The following IRX4 variants were observed in gnomAD, a reference collection of about 807,000 sequenced individuals.
IRX4 encodes iroquois homeobox 4.
In IRX4, 22 loss-of-function variants were observed where a neutral mutation model predicts 32.0. The observed-to-expected ratio is 0.69, with a 90% CI of 0.49 to 0.98. The LOEUF (loss-of-function observed/expected upper bound fraction) is 0.98. Ranked by LOEUF, IRX4 falls within the 50% of genes least tolerant of loss-of-function variation. The pLI is 0.00. For synonymous variants in IRX4, 379 were observed against 351.7 expected (o/e 1.08, Z -0.87); for missense variants, 840 against 744.2 (o/e 1.13, Z -1.50).
At position 1,879,817 on chromosome 5, in the gene IRX4, G is replaced by A. The variant is rs534141737; in HGVS notation, c.423C>T (p.Asp141=). Residue 141 remains aspartate, a synonymous_variant, in exon 4 of 5, where the codon GAC becomes GAT. Transcript: ENST00000231357. The part of the protein sequence containing the change: ...QYPYDRYGTM[D]SGTRRKNATR... ...TGGCGTTCTTGCGCCGCGTGCCGCT[G>A]TCCATGGTTCCATACCTGGAGACAG... is the stretch of plus-strand genomic sequence containing the variant. The A allele has an allele frequency of 2.5e-6, 4 of 1,614,020 alleles. No individual in the cohort carries two copies. Among genetic ancestry groups the A allele is most frequent in the Admixed American group, 3.3e-5 (2 of 60,022 alleles).
upstream of IRX4, chr5:1,884,332 T>C (rs1735560731): frequency 6.6e-6 from 1 of 152,302 alleles, no homozygotes; most frequent in African/African-American, 2.4e-5. Flanking sequence ...AATGATGACG[T>C]CCTCGCCCTC....
upstream of IRX4, among the ~76,000 whole-genome samples, chr5:1,883,517 G>C (rs898557860): frequency 7.2e-5 from 11 of 152,216 alleles, no homozygotes; most frequent in African/African-American, 2.7e-4. Context: ...CCGCAAGACA[G>C]CCCGCAAGAG....
intron 2 of IRX4, among the ~76,000 whole-genome samples, 156 bp downstream of exon 2, chr5:1,881,652 G>A (rs1022644889): frequency 2.6e-5 from 4 of 152,018 alleles, no homozygotes; most frequent in African/African-American, 9.7e-5. Context: ...GGTTCTGAGG[G>A]TCTCGGCTGG....
chr5:1,880,926 G>C (rs1392943210), intron 2 of IRX4, 92 bp from the exon 3 acceptor site: 1 of 996,342 alleles, frequency 1.0e-6, no homozygotes, highest in Non-Finnish European at 1.6e-6. Flanking sequence ...CAAAGGCTTG[G>C]CAAGGATTCC....
Position 1,881,733 on chromosome 5 carries a change from C to A in IRX4, c.297+75G>T, listed in dbSNP as rs547887077. The stretch of plus-strand genomic sequence containing the variant: ...GACAGTCCGGGGACCCGGACTGGCG[C>A]GCCTACTGGGGCAAAAGTGGGCTTG... On this transcript the variant is annotated intron_variant, in intron 2 of 4. Coordinates refer to ENST00000231357, the MANE Select transcript of IRX4 (RefSeq NM_016358.3). 1,541 of 1,527,066 alleles carry A rather than the reference C, an allele frequency of 1.0e-3. 2 individuals are homozygous for A. Among genetic ancestry groups the A allele is most frequent in the Non-Finnish European group, 8.9e-4 (998 of 1,127,118 alleles). 94.6% of individuals were successfully genotyped at this position (1,527,066 alleles called of 1,614,324 possible).
rs1257019261 is a variant in IRX4, at chr5:1,878,636, T to C, written c.893A>G (p.Lys298Arg). Residue 298 changes from lysine (K) to arginine (R), a missense_variant, in exon 5 of 5, where the codon AAG (lysine) becomes AGG (arginine). This residue lies in a region of IRX4 where 585 missense variants were observed against 488.0 expected (regional missense o/e 1.20). Coordinates refer to ENST00000231357, the MANE Select transcript of IRX4 (RefSeq NM_016358.3). ...CATCCGGAGCGCGCCTGAGGCCTCC[T>C]TGACCGGGCCGTCGGGCGCGGCGGG... is the stretch of plus-strand genomic sequence containing the variant. ...RVPAAPDGPV[K>R]EASGALRMSL... is the part of the protein sequence containing the mutation. The C allele has an allele frequency of 3.8e-6, 6 of 1,587,556 alleles. No homozygotes were observed. The South Asian group carries it at 6.8e-5, about 18-fold the overall frequency.
At chr5:1,884,943 A>G (rs1040314869), upstream of IRX4, among the ~76,000 whole-genome samples, 1 of 151,914 alleles carries the variant, frequency 6.6e-6, no homozygotes, top group Admixed American at 6.6e-5. Flanking sequence ...CTCTCCAGGT[A>G]ATGAGGCCCG....
At position 1,878,435 on chromosome 5, in the gene IRX4, T is replaced by G; in HGVS notation, c.1094A>C (p.Lys365Thr). 2 of 1,506,734 alleles carry G rather than the reference T, an allele frequency of 1.3e-6. No homozygotes were observed. The highest frequency in any genetic ancestry group is 1.8e-6 in the Non-Finnish European group (2 of 1,131,660). 93.3% of individuals were successfully genotyped at this position (1,506,734 alleles called of 1,614,324 possible). ...GTGGGCCAGGGACCAGATGCGCGGC[T>G]TAGCCTCCAGGCCTGCCGACGCCCC... Reference protein sequence around the residue: ...PAGASAGLEAKPRIWSLAHTA... With the variant: ...PAGASAGLEATPRIWSLAHTA... The change falls in exon 5 of 5, where the codon AAG becomes ACG. Residue 365 changes from lysine to threonine, a missense_variant. This residue lies in a region of IRX4 where 585 missense variants were observed against 488.0 expected (regional missense o/e 1.20). Coordinates refer to ENST00000231357, the MANE Select transcript of IRX4 (RefSeq NM_016358.3).
intron 3 of IRX4, 101 bp from the exon 4 acceptor site, chr5:1,879,933 T>C (rs1443425408): frequency 9.0e-6 from 14 of 1,548,860 alleles, no homozygotes; most frequent in East Asian, 2.3e-5. Flanking sequence ...AGGATGGGCT[T>C]TGCTTCCCCG....
chr5:1,879,912 AG>A, intron 3 of IRX4, 80 bp from the exon 4 acceptor site: 1 of 1,582,498 alleles, frequency 6.3e-7, no homozygotes, highest in Non-Finnish European at 8.5e-7. Flanking sequence ...GGGGTCGGCC[AG>A]GGGCATGCCA....
chr5:1,880,701 T>G (rs755139642), intron 3 of IRX4, 24 bp downstream of exon 3: 1 of 1,513,064 alleles, frequency 6.6e-7, no homozygotes, highest in Admixed American at 1.7e-5. Flanking sequence ...GGGCTAGTGC[T>G]GGTTAGGAGG....
At position 1,882,165 on chromosome 5, in the gene IRX4, C is replaced by A. The variant is rs1312007979; in HGVS notation, c.46-106G>T. The A allele has an allele frequency of 3.0e-6, 4 of 1,351,298 alleles. 1 individual carries two copies. The highest frequency in any genetic ancestry group is 5.2e-4 in the Middle Eastern group (2 of 3,882). 83.7% of individuals were successfully genotyped at this position (1,351,298 alleles called of 1,614,324 possible). A position where few individuals can be genotyped will look rare whatever the true frequency, so the allele number is the denominator to read the frequency against. Reference sequence around the variant, plus strand: ...CCACGAGGGCGTGCCCCGAGTACCCCCGGGCCTCCCGCCGTCCACACCAGG... The same window carrying A: ...CCACGAGGGCGTGCCCCGAGTACCCACGGGCCTCCCGCCGTCCACACCAGG... On this transcript the variant is annotated intron_variant, in intron 1 of 4. Transcript: ENST00000231357.
chr5:1,880,505 C>T (rs868671762), intron 3 of IRX4, among the ~76,000 whole-genome samples: 8 of 152,290 alleles, frequency 5.3e-5, no homozygotes, highest in South Asian at 4.1e-4. Flanking sequence ...ACGTGGGGGA[C>T]GGGGAGACTG....
rs1735246090 is a variant in IRX4 at position 1,877,722 on chromosome 5, A to AAG, written c.*246_*247insCT. On this transcript the variant is annotated 3_prime_UTR_variant, in exon 5 of 5. Transcript: ENST00000231357. Reference sequence around the variant, plus strand: ...AGGGTATCTGGCCTCTTCTGCTCCGAGAGCCTCTCCTTCCGCGTCCCAAAT... The same window carrying AAG: ...AGGGTATCTGGCCTCTTCTGCTCCGAAGGAGCCTCTCCTTCCGCGTCCCAAAT... The AAG allele has an allele frequency of 1.9e-6, 1 of 522,086 alleles. No homozygotes were observed. The highest frequency in any genetic ancestry group is 2.0e-5 in the African/African-American group (1 of 48,934). The allele number at this position is 522,086 out of a possible 1,614,324, so 32.3% of individuals were successfully genotyped here. A position where few individuals can be genotyped will look rare whatever the true frequency, so the allele number is the denominator to read the frequency against.
intron 2 of IRX4, chr5:1,881,038 T>C (rs1464866324): frequency 4.1e-6 from 1 of 246,134 alleles, no homozygotes; most frequent in Admixed American, 8.4e-5. Flanking sequence ...GCAGAAGCAG[T>C]GTGTGGTGGA....
At chr5:1,882,195 T>G (rs1006951562) in intron 1 of IRX4, 136 bp from the exon 2 acceptor site, 52 of 1,079,758 alleles carry the variant, frequency 4.8e-5, no homozygotes, top group Non-Finnish European at 6.2e-5. Context: ...ACCAGGATGC[T>G]CGCCCCTTTC....
At chr5:1,878,990 G>A (rs1735324814) in intron 4 of IRX4, among the ~76,000 whole-genome samples, 198 bp from the exon 5 acceptor site, 1 of 141,574 alleles carries the variant, frequency 7.1e-6, no homozygotes, top group Non-Finnish European at 1.5e-5. Flanking sequence ...GGAGGGGGGT[G>A]TCTAATTTTT....
upstream of IRX4, among the ~76,000 whole-genome samples, chr5:1,883,369 C>T (rs950619725): frequency 4.6e-5 from 7 of 152,334 alleles, no homozygotes; most frequent in African/African-American, 1.7e-4. Flanking sequence ...CTCGCGCTGG[C>T]GCGCTCTGCT....
chr5:1,883,728 C>G (rs1426137427), upstream of IRX4, among the ~76,000 whole-genome samples: 2 of 152,244 alleles, frequency 1.3e-5, no homozygotes, highest in East Asian at 3.8e-4. Context: ...CCACCGCCCC[C>G]ACCTCGCCTC....
Sources: gnomAD v4.1 joint callset for allele counts (sites outside exome capture counted in the v4.1 genomes callset) on GRCh38, gnomAD v4.1.1 for gene constraint, gnomAD v4.1.1 regional missense constraint, MANE v1.5 for transcripts, NCBI Gene and HGNC (gene_info 2026-07-23, HGNC 2026-07-21) for gene names.